The following ARID5B variants were observed in gnomAD, a reference collection of about 807,000 sequenced individuals.
ARID5B encodes the protein AT-rich interactive domain-containing protein 5B.
A neutral mutation model predicts 97.2 loss-of-function variants in ARID5B; 13 were observed. The observed-to-expected ratio is 0.13, with a 90% CI of 0.09 to 0.21. The LOEUF (loss-of-function observed/expected upper bound fraction) is 0.21. Ranked by LOEUF, ARID5B falls within the 10% of genes least tolerant of loss-of-function variation. ARID5B has a pLI of 1.00. For synonymous variants in ARID5B, 556 were observed against 570.3 expected, an observed-to-expected ratio of 0.97 and a Z score of 0.36; for missense variants, 1,210 against 1,465.3, an observed-to-expected ratio of 0.83 and a Z score of 2.84.
At chr10:62,004,027 C>CA (rs1478037614) in intron 4 of ARID5B, among the ~76,000 whole-genome samples, 1 of 152,122 alleles carries the variant, frequency 6.6e-6, no homozygotes, top group African/African-American at 2.4e-5. Context: ...GAAATTTCAT[C>CA]ATTTAGTCCA....
At chr10:61,981,941 G>C (rs1838782594) in intron 3 of ARID5B, among the ~76,000 whole-genome samples, 1 of 152,236 alleles carries the variant, frequency 6.6e-6, no homozygotes, top group Non-Finnish European at 1.5e-5. Context: ...GGTTTCTGCA[G>C]GGTTTCACTA....
In ARID5B at chr10:61,996,319, C is replaced by T. The variant is rs557523750; in HGVS notation, c.503-3772C>T. Among the ~76,000 whole-genome samples the T allele has an allele frequency of 3.3e-5, 5 of 152,134 alleles. No individual in the cohort carries two copies. In the South Asian group the frequency reaches 6.2e-4, roughly 19 times the overall value. On this transcript the variant is annotated intron_variant, in intron 3 of 9. Transcript: ENST00000279873. ...TGACTTGATCAAAGGCCACCATCCTCGTCCCTAATAGTGTAAACCAGTTAA... is the reference window on the plus strand; with the variant it reads ...TGACTTGATCAAAGGCCACCATCCTTGTCCCTAATAGTGTAAACCAGTTAA...
intron 7 of ARID5B, 54 bp downstream of exon 7, chr10:62,059,349 CT>C (rs894876283): frequency 6.8e-7 from 1 of 1,480,492 alleles, no homozygotes; most frequent in Non-Finnish European, 9.4e-7. Flanking sequence ...CTTTTCCCCT[CT>C]CTTTGACCAA....
At position 62,095,303 on chromosome 10, in the gene ARID5B, A is replaced by C. The variant is rs1430953640; in HGVS notation, c.*2273A>C. 1.3e-5 allele frequency: 3 copies of C among 233,410 alleles called. No homozygotes were observed. Among genetic ancestry groups the C allele is most frequent in the Non-Finnish European group, 2.5e-5 (3 of 117,996 alleles). 14.5% of individuals were successfully genotyped at this position (233,410 alleles called of 1,614,324 possible). On this transcript the variant is annotated 3_prime_UTR_variant, in exon 10 of 10. Coordinates refer to ENST00000279873, the MANE Select transcript of ARID5B (RefSeq NM_032199.3). ...ACAGAATCGGAGGACATGGAAGAAA[A>C]AGGAAACTTCGGTGGTTCTGCAGCA...
chr10:61,963,742 G>T (rs924330167), intron 3 of ARID5B, among the ~76,000 whole-genome samples: 1 of 152,052 alleles, frequency 6.6e-6, no homozygotes, highest in East Asian at 1.9e-4. Context: ...CCTGTGTCCT[G>T]ATTTCAGGAG....
chr10:61,967,392 G>A (rs1838560730), intron 3 of ARID5B, among the ~76,000 whole-genome samples: 1 of 152,114 alleles, frequency 6.6e-6, no homozygotes, highest in Non-Finnish European at 1.5e-5. Flanking sequence ...ATTTTTAATT[G>A]ATCCATTGGC....
At chr10:61,920,209 G>A (rs777494350) in intron 2 of ARID5B, among the ~76,000 whole-genome samples, 5 of 152,038 alleles carry the variant, frequency 3.3e-5, no homozygotes, top group Non-Finnish European at 7.4e-5. Context: ...TTCAGTCTTG[G>A]CCATGAAGAT....
rs1162605028 is a variant in ARID5B, at chr10:62,000,395, C to T, written c.733+74C>T. On this transcript the variant is annotated intron_variant, in intron 4 of 9. Transcript: ENST00000279873. This position sits in a 1 kb window ranked among gnomAD's most constrained non-coding sequence, Gnocchi z 4.4. The stretch of plus-strand genomic sequence containing the variant: ...AGTTGTTTTCAGTTCTTCTGAAGAG[C>T]GGTGATGGGGAACGGGGCTCACTTT... 7.4e-6 allele frequency: 10 copies of T among 1,357,356 alleles called. No individual in the cohort carries two copies. The highest frequency in any genetic ancestry group is 1.5e-5 in the African/African-American group (1 of 67,980). 84.1% of individuals were successfully genotyped at this position (1,357,356 alleles called of 1,614,324 possible). A position where few individuals can be genotyped will look rare whatever the true frequency, so the allele number is the denominator to read the frequency against.
chr10:62,086,524 A>G (rs1397192638), intron 9 of ARID5B, among the ~76,000 whole-genome samples: 2 of 151,364 alleles, frequency 1.3e-5, no homozygotes, highest in Non-Finnish European at 2.9e-5. Context: ...ACACGGTGAA[A>G]CCCCGTCTCT....
At chr10:61,925,012 C>G (rs866013908) in intron 2 of ARID5B, among the ~76,000 whole-genome samples, 33 of 152,158 alleles carry the variant, frequency 2.2e-4, no homozygotes, top group African/African-American at 8.0e-4. Flanking sequence ...TGAGACCAGC[C>G]TGGCCAACAT....
In ARID5B at chr10:62,092,788, C is replaced by A. The variant is rs1291272523; in HGVS notation, c.3325C>A (p.Gln1109Lys). 14 of 1,614,080 alleles carry A rather than the reference C, an allele frequency of 8.7e-6. No homozygotes were observed. The highest frequency in any genetic ancestry group is 1.1e-5 in the Non-Finnish European group (13 of 1,180,038). The change falls in exon 10 of 10, where the codon CAG becomes AAG. Residue 1109 changes from glutamine (Q) to lysine (K), a missense_variant. By Grantham distance (53) the Gln-to-Lys change is moderately conservative. This residue lies in a region of ARID5B where 800 missense variants were observed against 839.1 expected (regional missense o/e 0.95). Transcript: ENST00000279873. ...YSHSLQYLKN[Q>K]TVLSPLMQPL... ...TCATTCTCTGCAGTACTTGAAAAAC[C>A]AGACTGTGCTTTCTCCACTCATGCA... is the stretch of plus-strand genomic sequence containing the variant.
Position 62,092,983 on chromosome 10 carries a change from T to C in ARID5B, c.3520T>C (p.Phe1174Leu), listed in dbSNP as rs1840408201. The change falls in exon 10 of 10, where the codon TTT becomes CTT. Residue 1174 changes from phenylalanine to leucine, a missense_variant. Phe to Leu is a conservative substitution (Grantham distance 22, BLOSUM62 0). This residue lies in a region of ARID5B where 54 missense variants were observed against 67.4 expected (regional missense o/e 0.80). Transcript: ENST00000279873. Reference sequence around the variant, plus strand: ...AGCTGCTATAAATCCTCAAGCTGCCTTTCCATCTTCCCAGCTGTCATCCGT... The same window carrying C: ...AGCTGCTATAAATCCTCAAGCTGCCCTTCCATCTTCCCAGCTGTCATCCGT... ...PLAAINPQAA[F>L]PSSQLSSVHP... 1 of 1,613,606 alleles carries C rather than the reference T, an allele frequency of 6.2e-7. No individual in the cohort carries two copies. Among genetic ancestry groups the C allele is most frequent in the South Asian group, 1.1e-5 (1 of 91,082 alleles).
chr10:61,948,695 T>C (rs562088048), intron 3 of ARID5B, among the ~76,000 whole-genome samples: 1 of 152,130 alleles, frequency 6.6e-6, no homozygotes, highest in Admixed American at 6.6e-5. Flanking sequence ...ATTTAACTCA[T>C]TTATATTGCA....
intron 9 of ARID5B, among the ~76,000 whole-genome samples, chr10:62,086,245 C>T (rs1840278174): frequency 6.6e-6 from 1 of 152,188 alleles, no homozygotes; most frequent in South Asian, 2.1e-4. Flanking sequence ...GAAAACATGG[C>T]TTCTTGGCCG....
intron 7 of ARID5B, among the ~76,000 whole-genome samples, chr10:62,060,563 G>A (rs1839909293): frequency 6.6e-6 from 1 of 152,058 alleles, no homozygotes; most frequent in African/African-American, 2.4e-5. Flanking sequence ...GGAGTCTTTT[G>A]ATAGGATCAG....
intron 3 of ARID5B, among the ~76,000 whole-genome samples, chr10:61,991,461 A>G (rs1838924483): frequency 6.6e-6 from 1 of 152,116 alleles, no homozygotes; most frequent in Admixed American, 6.5e-5. Flanking sequence ...ATTTTTTAAG[A>G]TGCCATTTAT....
chr10:62,069,601 G>A, intron 7 of ARID5B, 99 bp from the exon 8 acceptor site: 1 of 1,091,240 alleles, frequency 9.2e-7, no homozygotes, highest in Non-Finnish European at 1.4e-6. Flanking sequence ...TGGGTTTCCA[G>A]AACAGACTGT....
At chr10:62,008,587 C>T (rs1839176719) in intron 4 of ARID5B, among the ~76,000 whole-genome samples, 1 of 152,182 alleles carries the variant, frequency 6.6e-6, no homozygotes, top group Non-Finnish European at 1.5e-5. Flanking sequence ...ATCAAGAAAC[C>T]CTGGTGCCAG....
intron 2 of ARID5B, among the ~76,000 whole-genome samples, chr10:61,915,501 A>T (rs1317680646): frequency 6.6e-6 from 1 of 152,176 alleles, no homozygotes; most frequent in Non-Finnish European, 1.5e-5. Flanking sequence ...GGCAAGCTGT[A>T]TGGTGAGCAC....
Sources: allele counts gnomAD v4.1 joint callset (sites outside exome capture counted in the v4.1 genomes callset), GRCh38; gene constraint gnomAD v4.1.1; regional missense constraint gnomAD v4.1.1; non-coding constraint Gnocchi (gnomAD v3.1); transcripts MANE v1.5; gene names NCBI Gene and HGNC (gene_info 2026-07-23, HGNC 2026-07-21).